Variants in GPATCH1 observed in about 807,000 individuals in gnomAD.
The protein encoded by GPATCH1 is G patch domain-containing protein 1.
In GPATCH1, 73 loss-of-function variants were observed where a neutral mutation model predicts 114.9. The ratio of observed to expected loss-of-function variants is 0.64; its 90% CI spans 0.53 to 0.77. The LOEUF is 0.77. Ranked by LOEUF, GPATCH1 falls within the 30% of genes least tolerant of loss-of-function variation. The pLI is 0.00. For synonymous variants in GPATCH1, 391 were observed against 428.4 expected, an observed-to-expected ratio of 0.91 and a Z score of 1.08; for missense variants, 1,058 against 1,144.3, an observed-to-expected ratio of 0.92 and a Z score of 1.09.
chr19:33,081,541 G>A (rs1317543323), intron 1 of GPATCH1, among the ~76,000 whole-genome samples: 1 of 152,152 alleles, frequency 6.6e-6, no homozygotes, highest in African/African-American at 2.4e-5. Flanking sequence ...AGAGCGGGGG[G>A]TGCTCAGGCA....
At chr19:33,096,932 T>TTTTA (rs1555718979) in intron 7 of GPATCH1, among the ~76,000 whole-genome samples, 2 of 140,064 alleles carry the variant, frequency 1.4e-5, no homozygotes, top group East Asian at 4.3e-4. Context: ...CCTGGCCACC[T>TTTTA]TTTCTTTCTT....
chr19:33,102,086 C>T (rs1436228431), intron 9 of GPATCH1, among the ~76,000 whole-genome samples: 1 of 150,582 alleles, frequency 6.6e-6, no homozygotes, highest in Non-Finnish European at 1.5e-5. Flanking sequence ...GTAATCCCAG[C>T]ACTTTGGGAG....
Position 33,097,784 on chromosome 19 carries a change from AGAT to A in GPATCH1, c.889_891del (p.Asp297del). 6.2e-7 allele frequency: 1 copy of A among 1,613,966 alleles called. No individual in the cohort carries two copies. The highest frequency in any genetic ancestry group is 2.2e-5 in the East Asian group (1 of 44,884). On this transcript the variant is annotated inframe_deletion, in exon 8 of 20. Coordinates refer to ENST00000170564, the MANE Select transcript of GPATCH1 (RefSeq NM_018025.3). ...TTGGTGTAGGTGCCCTGGAAGAGGA[AGAT>A]GATGATATCTATGCCACAGAAACTC... is the stretch of plus-strand genomic sequence containing the variant.
At chr19:33,129,832 T>A (rs1333280187) in intron 19 of GPATCH1, among the ~76,000 whole-genome samples, 2 of 151,874 alleles carry the variant, frequency 1.3e-5, no homozygotes, top group Non-Finnish European at 2.9e-5. Flanking sequence ...TAATCCCAGC[T>A]ACTCTGGAGG....
At chr19:33,123,000 A>T (rs1973002258) in intron 17 of GPATCH1, among the ~76,000 whole-genome samples, 1 of 151,870 alleles carries the variant, frequency 6.6e-6, no homozygotes, top group South Asian at 2.1e-4. Context: ...TGAGCTCAGG[A>T]GGTGGAGGCT....
chr19:33,083,846 G>A (rs1395941285), intron 1 of GPATCH1, among the ~76,000 whole-genome samples: 1 of 151,910 alleles, frequency 6.6e-6, no homozygotes, highest in African/African-American at 2.4e-5. Flanking sequence ...TTTCGCTCTT[G>A]TCACCCAGGC....
rs117521056 is a variant in GPATCH1, at chr19:33,108,839, A to C, written c.1286-878A>C. On this transcript the variant is annotated intron_variant, in intron 10 of 19. Transcript: ENST00000170564. ...TAGTGGTGGTGGACTGCAGGTCTGG[A>C]GCCGGGGATGTCAGGTTCCCCATCC... Among the ~76,000 whole-genome samples the C allele has an allele frequency of 7.1e-3, 1,082 of 152,120 alleles. 6 individuals are homozygous for C. The highest frequency in any genetic ancestry group is 0.02 in the Middle Eastern group (6 of 294).
At chr19:33,116,341 C>T (rs1445104608) in intron 15 of GPATCH1, among the ~76,000 whole-genome samples, 2 of 152,196 alleles carry the variant, frequency 1.3e-5, no homozygotes, top group African/African-American at 4.8e-5. Flanking sequence ...TTTCTTCATC[C>T]TTGAAGTTCC....
intron 19 of GPATCH1, among the ~76,000 whole-genome samples, chr19:33,129,293 C>T (rs1331458651): frequency 2.0e-5 from 3 of 151,396 alleles, no homozygotes; most frequent in Non-Finnish European, 2.9e-5. Flanking sequence ...AACTTGGGGG[C>T]TGGGCATGGT....
intron 11 of GPATCH1, among the ~76,000 whole-genome samples, chr19:33,111,215 T>C (rs1035972427): frequency 1.3e-5 from 2 of 151,168 alleles, no homozygotes; most frequent in African/African-American, 2.4e-5. Context: ...GTTTCCCGTC[T>C]CTACTAAAAA....
At position 33,081,210 on chromosome 19, in the gene GPATCH1, G is replaced by T. The variant is rs878907793; in HGVS notation, c.17G>T (p.Ser6Ile). ...AAGAGCAGGATGGCGGCGCGGGACA[G>T]TGACAGCGAAGAAGATCTGGTCAGC... is the stretch of plus-strand genomic sequence containing the variant. MAARD[S>I]DSEEDLVSYG... The change falls in exon 1 of 20, where the codon AGT becomes ATT. Residue 6 changes from serine to isoleucine, a missense_variant. Physicochemically the swap from Ser to Ile is moderately radical, Grantham distance 142. Around this residue, in one of 3 missense-constraint regions of GPATCH1, gnomAD observed 131 missense variants for 107.2 expected, o/e 1.22. Coordinates refer to ENST00000170564, the MANE Select transcript of GPATCH1 (RefSeq NM_018025.3). 1.2e-5 allele frequency: 18 copies of T among 1,551,480 alleles called. No homozygotes were observed. The South Asian group carries it at 1.8e-4, about 15-fold the overall frequency.
In GPATCH1 at chr19:33,109,979, C is replaced by T. The variant is rs771567388; in HGVS notation, c.1548C>T (p.Tyr516=). The T allele has an allele frequency of 8.7e-6, 14 of 1,613,454 alleles. No homozygotes were observed. The highest frequency in any genetic ancestry group is 4.5e-5 in the East Asian group (2 of 44,874). The change falls in exon 11 of 20, where the codon TAC becomes TAT. Residue 516 remains tyrosine, a synonymous_variant. Coordinates refer to ENST00000170564, the MANE Select transcript of GPATCH1 (RefSeq NM_018025.3). ...FAKDPEKQKR[Y]DEFLVHMKQG... ...AAGATCCGGAAAAGCAAAAGCGATA[C>T]GACGAGTTCTTAGTACACATGAAAC...
At chr19:33,106,296 G>A (rs576199039) in intron 9 of GPATCH1, among the ~76,000 whole-genome samples, 3 of 152,170 alleles carry the variant, frequency 2.0e-5, no homozygotes, top group South Asian at 2.1e-4. Context: ...GAGCCACTGC[G>A]CCCAGCCATT....
Position 33,107,679 on chromosome 19 carries a change from C to A in GPATCH1, c.1285+780C>A, listed in dbSNP as rs1167803639. On this transcript the variant is annotated intron_variant, in intron 10 of 19. Transcript: ENST00000170564. ...GCTCGGGTCTCACTGCCATGGGGAA[C>A]TCAATAGGTGTCTCGTATAATTGGC... 2.0e-5 allele frequency among the ~76,000 whole-genome samples: 3 copies of A among 152,240 alleles called. No homozygotes were observed. In the East Asian group the frequency reaches 5.8e-4, roughly 29 times the overall value.
chr19:33,102,649 C>A (rs1208989241), intron 9 of GPATCH1, among the ~76,000 whole-genome samples: 6 of 152,102 alleles, frequency 3.9e-5, no homozygotes, highest in African/African-American at 1.4e-4. Flanking sequence ...CCTGCCTCAG[C>A]CTCCCAAAGT....
intron 16 of GPATCH1, among the ~76,000 whole-genome samples, chr19:33,118,463 T>G (rs879932724): frequency 5.9e-5 from 9 of 152,058 alleles, no homozygotes; most frequent in Non-Finnish European, 1.2e-4. Flanking sequence ...ACAGGCATAA[T>G]CCCAGTGCCC....
At chr19:33,083,400 T>G (rs2010646592) in intron 1 of GPATCH1, among the ~76,000 whole-genome samples, 1 of 150,924 alleles carries the variant, frequency 6.6e-6, no homozygotes, top group East Asian at 2.0e-4. Context: ...GTTTTTGTTT[T>G]TTTTTTTTTT....
In GPATCH1 at chr19:33,115,225, A is replaced by ATT. The variant is rs71176196; in HGVS notation, c.2196+836_2196+837dup. Among the ~76,000 whole-genome samples the ATT allele has an allele frequency of 8.4e-4, 48 of 56,868 alleles. 1 individual carries two copies. Among genetic ancestry groups the ATT allele is most frequent in the African/African-American group, 1.1e-3 (14 of 12,422 alleles). The allele number at this position is 56,868 out of a possible 152,430, so 37.3% of individuals were successfully genotyped here. ...GGGCACACACCACCATGCCTGGCTA[A>ATT]TTTTTTTTTTTTTTTTTTTTTTTTT... On this transcript the variant is annotated intron_variant, in intron 15 of 19. Coordinates refer to ENST00000170564, the MANE Select transcript of GPATCH1 (RefSeq NM_018025.3).
intron 3 of GPATCH1, among the ~76,000 whole-genome samples, chr19:33,092,534 A>G (rs755579646): frequency 6.6e-6 from 1 of 152,056 alleles, no homozygotes; most frequent in African/African-American, 2.4e-5. Flanking sequence ...CCTCCCCAAC[A>G]CTGGGAGTAC....
Sources: gnomAD v4.1 joint callset for allele counts (sites outside exome capture counted in the v4.1 genomes callset) on GRCh38, gnomAD v4.1.1 for gene constraint, gnomAD v4.1.1 regional missense constraint, MANE v1.5 for transcripts, NCBI Gene and HGNC (gene_info 2026-07-23, HGNC 2026-07-21) for gene names.